The following CIC variants were observed in gnomAD, a reference collection of about 807,000 sequenced individuals.
The protein encoded by CIC is capicua transcriptional repressor, also known as protein capicua homolog.
CIC carries 18 observed loss-of-function variants against 115.7 expected under a neutral mutation model. That is an observed-to-expected ratio of 0.16 (90% confidence interval 0.11 to 0.23). CIC has a LOEUF of 0.23. Among genes scored for constraint, CIC ranks in the 10% least tolerant of loss-of-function variants. CIC has a pLI of 1.00. For synonymous variants in CIC, 1,076 were observed against 923.0 expected (o/e 1.17, Z -3.01); for missense variants, 2,000 against 2,159.3 (o/e 0.93, Z 1.46).
chr19:42,272,305 C>G lies in CIC; in HGVS notation c.522C>G (p.Asp174Glu), dbSNP rs1434989250. ...ACACAGCCAGCGAGCACTCGGCGGA[C>G]CTGGAGGATGAGCCGGCTGAGGCTT... is the stretch of plus-strand genomic sequence containing the variant. The part of the protein sequence containing the change: ...STDTASEHSA[D>E]LEDEPAEACG... Residue 174 changes from aspartate to glutamate, a missense_variant, in exon 2 of 21, where the codon GAC becomes GAG. Asp to Glu is a conservative substitution (Grantham distance 45). Transcript: ENST00000681038. 1 of 398,474 alleles carries G rather than the reference C, an allele frequency of 2.5e-6. No homozygotes were observed. Among genetic ancestry groups the G allele is most frequent in the East Asian group, 3.6e-5 (1 of 28,084 alleles). 24.7% of individuals were successfully genotyped at this position (398,474 alleles called of 1,614,324 possible).
rs2036862465 is a variant in CIC at position 42,273,599 on chromosome 19, C to T, written c.1816C>T (p.Leu606=). ...TGAGGCGGCCGTGATGCTGGTGTCG[C>T]TGGGCAGCTCGCGCTCAGGCACGCC... ...ECEAAVMLVS[L]GSSRSGTPSF... The change falls in exon 2 of 21, where the codon CTG becomes TTG. Residue 606 remains leucine, a synonymous_variant. Coordinates refer to ENST00000681038, the MANE Select transcript of CIC (RefSeq NM_001386298.1). 2 of 398,572 alleles carry T rather than the reference C, an allele frequency of 5.0e-6. No individual in the cohort carries two copies. The highest frequency in any genetic ancestry group is 8.8e-5 in the Admixed American group (2 of 22,732). The allele number at this position is 398,572 out of a possible 1,614,324, so 24.7% of individuals were successfully genotyped here.
At chr19:42,291,877 CTG>C in intron 12 of CIC, 132 bp downstream of exon 12, 1 of 1,311,132 alleles carries the variant, frequency 7.6e-7, no homozygotes. Context: ...CGTGATGTCT[CTG>C]TGCATCCTGA....
chr19:42,287,764 C>G lies in CIC; in HGVS notation c.3492+37C>G, dbSNP rs1483991425. On this transcript the variant is annotated intron_variant, in intron 6 of 20. Coordinates refer to ENST00000681038, the MANE Select transcript of CIC (RefSeq NM_001386298.1). The surrounding 1 kb of genome is among the most constrained non-coding windows in gnomAD (Gnocchi z 8.7). ...GCCTCTTGGCTCCTCCCAGCTTCTTCTGGTGGGGTGGGTGAGTGAAGGGTT... is the reference window on the plus strand; with the variant it reads ...GCCTCTTGGCTCCTCCCAGCTTCTTGTGGTGGGGTGGGTGAGTGAAGGGTT... 3 of 1,614,164 alleles carry G rather than the reference C, an allele frequency of 1.9e-6. No individual in the cohort carries two copies. The highest frequency in any genetic ancestry group is 1.7e-6 in the Non-Finnish European group (2 of 1,180,022).
At chr19:42,291,862 T>A in intron 12 of CIC, 117 bp downstream of exon 12, 1 of 1,386,448 alleles carries the variant, frequency 7.2e-7, no homozygotes. Context: ...TGTCTTGCCA[T>A]CTTCCGTGAT....
intron 12 of CIC, 121 bp from the exon 13 acceptor site, chr19:42,291,965 G>A (rs2038153675): frequency 6.8e-7 from 1 of 1,476,208 alleles, no homozygotes. Context: ...TGCCCATCCT[G>A]TTCTCACCCC....
rs2037896041 is a variant in CIC, at chr19:42,289,271, G to T, written c.3952G>T (p.Ala1318Ser). 1 of 1,613,670 alleles carries T rather than the reference G, an allele frequency of 6.2e-7. No homozygotes were observed. Among genetic ancestry groups the T allele is most frequent in the South Asian group, 1.1e-5 (1 of 91,088 alleles). ...GPFAAPGEGGALAATGRPPLL... is the reference protein window; with the variant it reads ...GPFAAPGEGGSLAATGRPPLL... ...CTTTGCAGCCCCTGGTGAGGGAGGT[G>T]CCTTGGCGGCCACTGGGCGGCCCCC... Residue 1318 changes from alanine (A) to serine (S), a missense_variant, in exon 9 of 21, where the codon GCC (alanine) becomes TCC (serine). Ala to Ser is a moderately conservative substitution (Grantham distance 99). Coordinates refer to ENST00000681038, the MANE Select transcript of CIC (RefSeq NM_001386298.1).
At chr19:42,293,374 C>G in intron 16 of CIC, 93 bp downstream of exon 16, 1 of 1,401,408 alleles carries the variant, frequency 7.1e-7, no homozygotes, top group East Asian at 2.5e-5. Flanking sequence ...TCTTTCCATG[C>G]CTGTGTGTCT....
At chr19:42,281,236 AGCCGCAGGCG>A (rs1484320393) in intron 2 of CIC, among the ~76,000 whole-genome samples, 1 of 152,028 alleles carries the variant, frequency 6.6e-6, no homozygotes, top group Non-Finnish European at 1.5e-5. Context: ...CAGGGTGGGG[AGCCGCAGGCG>A]GCCGGCAGGG....
intron 2 of CIC, among the ~76,000 whole-genome samples, chr19:42,283,753 C>T (rs925297784): frequency 6.6e-6 from 1 of 152,090 alleles, no homozygotes; most frequent in East Asian, 1.9e-4. Flanking sequence ...CAGCGCGGCG[C>T]CCCGAACCGC....
chr19:42,278,937 T>C (rs1317631094), intron 2 of CIC, among the ~76,000 whole-genome samples: 1 of 152,214 alleles, frequency 6.6e-6, no homozygotes, highest in Non-Finnish European at 1.5e-5. Flanking sequence ...TGGACCAAGC[T>C]AGGAGATCCG....
intron 2 of CIC, among the ~76,000 whole-genome samples, chr19:42,275,973 G>T (rs887494375): frequency 6.6e-6 from 1 of 152,218 alleles, no homozygotes; most frequent in Admixed American, 6.5e-5. Flanking sequence ...TAACAGTCTG[G>T]GGTGGTCAGG....
In CIC at chr19:42,294,373, A is replaced by G. The variant is rs531659867; in HGVS notation, c.7054+69A>G. ...AGGAGTGGGTCTCTGGAAGGCGGTT[A>G]GAGAGTGAGAGAGGTAGGGTGGGTC... On this transcript the variant is annotated intron_variant, in intron 19 of 20. Coordinates refer to ENST00000681038, the MANE Select transcript of CIC (RefSeq NM_001386298.1). 5 of 1,600,540 alleles carry G rather than the reference A, an allele frequency of 3.1e-6. No individual in the cohort carries two copies. The Admixed American group carries it at 6.7e-5, about 21-fold the overall frequency.
Position 42,290,864 on chromosome 19 carries a change from C to T in CIC, c.4823C>T (p.Ala1608Val), listed in dbSNP as rs150818299. The T allele has an allele frequency of 2.7e-5, 43 of 1,612,162 alleles. No individual in the cohort carries two copies. The South Asian group carries it at 3.1e-4, about 12-fold the overall frequency. The change falls in exon 11 of 21, where the codon GCG (alanine) becomes GTG (valine). Residue 1608 changes from alanine (A) to valine (V), a missense_variant. Ala to Val is a moderately conservative substitution (Grantham distance 64). This residue lies in a region of CIC where 1,466 missense variants were observed against 1,390.4 expected (regional missense o/e 1.05). Transcript: ENST00000681038. ...KPFPTSGRAEASPNDTAGART... is the reference protein window; with the variant it reads ...KPFPTSGRAEVSPNDTAGART... Reference sequence around the variant, plus strand: ...TTCCCCACCTCTGGCCGGGCTGAGGCGTCTCCAAATGACACAGCAGGTGCC... The same window carrying T: ...TTCCCCACCTCTGGCCGGGCTGAGGTGTCTCCAAATGACACAGCAGGTGCC...
Position 42,290,903 on chromosome 19 carries a change from G to T in CIC, c.4862G>T (p.Gly1621Val), listed in dbSNP as rs775890543. 5.0e-6 allele frequency: 8 copies of T among 1,613,386 alleles called. No individual in the cohort carries two copies. Among genetic ancestry groups the T allele is most frequent in the Admixed American group, 3.3e-5 (2 of 59,992 alleles). The stretch of plus-strand genomic sequence containing the variant: ...ACAGCAGGTGCCAGGACTGAAATGG[G>T]CACTGGGTCTCGGGTGCCTGGGGGC... The part of the protein sequence containing the change: ...NDTAGARTEM[G>V]TGSRVPGGSP... The change falls in exon 11 of 21, where the codon GGC becomes GTC. Residue 1621 changes from glycine (G) to valine (V), a missense_variant. Coordinates refer to ENST00000681038, the MANE Select transcript of CIC (RefSeq NM_001386298.1).
intron 2 of CIC, among the ~76,000 whole-genome samples, chr19:42,279,415 G>A (rs1438648151): frequency 6.6e-6 from 1 of 152,202 alleles, no homozygotes; most frequent in Non-Finnish European, 1.5e-5. Context: ...ACAACTCAGT[G>A]GTTCATGGGG....
chr19:42,268,861 CT>C (rs1045731000), upstream of CIC, among the ~76,000 whole-genome samples: 22 of 152,356 alleles, frequency 1.4e-4, no homozygotes, highest in Middle Eastern at 3.4e-3. Flanking sequence ...CCCTTAGCCC[CT>C]CCTCCTTTCA....
Position 42,271,989 on chromosome 19 carries a change from G to A in CIC, c.206G>A (p.Arg69Gln), listed in dbSNP as rs188464728. Reference sequence around the variant, plus strand: ...GAAGGGGAGGAGGAGGAGGCTGAGCGGGGCCCTGGGGCTGAAGGTCCTCCA... The same window carrying A: ...GAAGGGGAGGAGGAGGAGGCTGAGCAGGGCCCTGGGGCTGAAGGTCCTCCA... The part of the protein sequence containing the change: ...AEEGEEEEAE[R>Q]GPGAEGPPLE... Residue 69 changes from arginine to glutamine, a missense_variant, in exon 2 of 21, where the codon CGG becomes CAG. Arg to Gln is a conservative substitution (Grantham distance 43). Around this residue, in one of 8 missense-constraint regions of CIC, gnomAD observed 222 missense variants for 247.7 expected, o/e 0.90. Transcript: ENST00000681038. The A allele has an allele frequency of 2.8e-3, 1,128 of 399,176 alleles. 11 individuals carry two copies. Among genetic ancestry groups the A allele is most frequent in the Middle Eastern group, 0.022 (36 of 1,604 alleles). 24.7% of individuals were successfully genotyped at this position (399,176 alleles called of 1,614,324 possible). A position where few individuals can be genotyped will look rare whatever the true frequency, so the allele number is the denominator to read the frequency against.
rs1048669353 is a variant in CIC at position 42,293,002 on chromosome 19, C to T, written c.6243C>T (p.Pro2081=). 6.2e-7 allele frequency: 1 copy of T among 1,613,566 alleles called. No homozygotes were observed. The highest frequency in any genetic ancestry group is 8.5e-7 in the Non-Finnish European group (1 of 1,179,994). ...TAGTGGCCCCCAAGGCCCAGCGGCC[C>T]AGCCCGAAGGCCCCCCAGAAAGTGA... ...YSLVAPKAQR[P]SPKAPQKVKA... is the part of the protein sequence containing the mutation. Residue 2081 remains proline (P), a synonymous_variant, in exon 16 of 21, where the codon CCC becomes CCT. Transcript: ENST00000681038.
At chr19:42,282,773 C>T (rs1268605481) in intron 2 of CIC, among the ~76,000 whole-genome samples, 5 of 151,746 alleles carry the variant, frequency 3.3e-5, no homozygotes, top group African/African-American at 1.2e-4. Context: ...GCATACCTCC[C>T]TAGGTGGCTG....
Sources: gnomAD v4.1 joint callset for allele counts (sites outside exome capture counted in the v4.1 genomes callset) on GRCh38, gnomAD v4.1.1 for gene constraint, gnomAD v4.1.1 regional missense constraint, Gnocchi (gnomAD v3.1) non-coding constraint, MANE v1.5 for transcripts, NCBI Gene and HGNC (gene_info 2026-07-23, HGNC 2026-07-21) for gene names.